Variants in AK1 observed in about 807,000 individuals in gnomAD.
The protein encoded by AK1 is adenylate kinase isoenzyme 1.
In AK1, 13 loss-of-function variants were observed where a neutral mutation model predicts 23.9. The ratio of observed to expected loss-of-function variants is 0.54; its 90% CI spans 0.35 to 0.86. The LOEUF is 0.86. Ranked by LOEUF, AK1 falls within the 40% of genes least tolerant of loss-of-function variation. The probability of loss-of-function intolerance (pLI) is 0.01; values close to 1 mark genes in which losing one functional copy is unlikely to be tolerated. For missense variants in AK1, 214 were observed against 255.1 expected (o/e 0.84, Z 1.10); for synonymous variants, 97 against 102.8 (o/e 0.94, Z 0.34).
rs761804052 is a variant in AK1 at position 127,871,988 on chromosome 9, C to T, written c.208-49G>A. On this transcript the variant is annotated intron_variant, in intron 4 of 6. Transcript: ENST00000644144. This position sits in a 1 kb window ranked among gnomAD's most constrained non-coding sequence, Gnocchi z 4.4. ...GGGCCATGAGCCTCTCCTCCCCATC[C>T]CTTCTCCCAGCCTCTGCTCACGCTG... The T allele has an allele frequency of 2.0e-6, 3 of 1,506,398 alleles. No homozygotes were observed. The highest frequency in any genetic ancestry group is 2.3e-5 in the East Asian group (1 of 44,378). The allele number at this position is 1,506,398 out of a possible 1,614,324, so 93.3% of individuals were successfully genotyped here.
rs767699660 is a variant in AK1 at position 127,871,585 on chromosome 9, C to T, written c.324+238G>A. On this transcript the variant is annotated intron_variant, in intron 5 of 6. Transcript: ENST00000644144. This position sits in a 1 kb window ranked among gnomAD's most constrained non-coding sequence, Gnocchi z 4.4. ...GAATGACTGGCCCAAGATCTCAAGC[C>T]GTTGAGCTGGAATCTGAGCCCAGGT... Among the ~76,000 whole-genome samples the T allele has an allele frequency of 5.9e-5, 9 of 151,620 alleles. No individual in the cohort carries two copies. Among genetic ancestry groups the T allele is most frequent in the Admixed American group, 3.9e-4 (6 of 15,262 alleles).
chr9:127,868,269 C>T lies in AK1; in HGVS notation c.516+52G>A. On this transcript the variant is annotated intron_variant, in intron 6 of 6. Coordinates refer to ENST00000644144, the MANE Select transcript of AK1 (RefSeq NM_000476.3). The surrounding 1 kb of genome is among the most constrained non-coding windows in gnomAD (Gnocchi z 4.1). ...GGCCACACAGTGAGCTGAGGCGGAG[C>T]CACATAGGAACCCGTTCTTCCCGGA... The T allele has an allele frequency of 5.2e-6, 8 of 1,534,018 alleles. No individual in the cohort carries two copies. Among genetic ancestry groups the T allele is most frequent in the Non-Finnish European group, 7.1e-6 (8 of 1,132,624 alleles).
At chr9:127,879,474 T>C (rs1829601690), upstream of AK1, 1 of 150,580 alleles carries the variant, frequency 6.6e-6, no homozygotes, top group Non-Finnish European at 1.5e-5. Context: ...AAAATAAAAA[T>C]TAGCTGGACA....
chr9:127,873,758 C>G, intron 2 of AK1: 1 of 985,444 alleles, frequency 1.0e-6, no homozygotes, highest in Non-Finnish European at 1.2e-6. Context: ...GAACCAAAAC[C>G]AGAACCCAAG....
At chr9:127,878,663 G>A (rs1032904748), upstream of AK1, among the ~76,000 whole-genome samples, 7 of 152,206 alleles carry the variant, frequency 4.6e-5, no homozygotes, top group Admixed American at 1.3e-4. Flanking sequence ...GAGCAAGAGA[G>A]TGAGACTACC....
rs886975727 is a variant in AK1 at position 127,866,650 on chromosome 9, G to C, written c.*1358C>G. ...CTTAAAGGGAGCCCAGCTTGGGCCA[G>C]ATCAGGTGTTAAGGACACGTGAGCA... On this transcript the variant is annotated 3_prime_UTR_variant, in exon 7 of 7. Coordinates refer to ENST00000644144, the MANE Select transcript of AK1 (RefSeq NM_000476.3). The C allele has an allele frequency of 6.6e-6, 1 of 152,256 alleles. No individual in the cohort carries two copies. Among genetic ancestry groups the C allele is most frequent in the Non-Finnish European group, 1.5e-5 (1 of 68,062 alleles). The allele number at this position is 152,256 out of a possible 1,614,324, so 9.4% of individuals were successfully genotyped here.
chr9:127,878,912 A>G (rs1475172954), upstream of AK1, among the ~76,000 whole-genome samples: 1 of 152,160 alleles, frequency 6.6e-6, no homozygotes, highest in East Asian at 1.9e-4. Flanking sequence ...TTGACAAAGT[A>G]AATCAAAATT....
intron 1 of AK1, among the ~76,000 whole-genome samples, chr9:127,875,728 TCCAGGCCCCTATGG>T (rs1434311865): frequency 1.4e-5 from 2 of 146,692 alleles, no homozygotes; most frequent in Non-Finnish European, 3.0e-5. Flanking sequence ...AAGTCCCAGC[TCCAGGCCCCTATGG>T]CCAAGCCACA....
At chr9:127,873,161 G>T (rs751190212) in intron 2 of AK1, 100 bp from the exon 3 acceptor site, 2 of 1,555,032 alleles carry the variant, frequency 1.3e-6, no homozygotes, top group Non-Finnish European at 1.7e-6. Flanking sequence ...CAGGCGGAGG[G>T]ACAGACACCG....
intron 2 of AK1, 130 bp downstream of exon 2, chr9:127,874,481 A>G (rs1010639751): frequency 1.8e-4 from 282 of 1,599,430 alleles, no homozygotes; most frequent in Non-Finnish European, 2.3e-4. Flanking sequence ...GGAGGCTCCC[A>G]GCCAGGCCCC....
At chr9:127,879,063 TAA>T (rs1313458519), upstream of AK1, among the ~76,000 whole-genome samples, 3 of 87,454 alleles carry the variant, frequency 3.4e-5, no homozygotes, top group African/African-American at 4.7e-5. Context: ...TCTCTAAAAA[TAA>T]AACACACACA....
At chr9:127,876,296 G>A (rs1015508420) in intron 1 of AK1, among the ~76,000 whole-genome samples, 4 of 152,244 alleles carry the variant, frequency 2.6e-5, no homozygotes, top group Non-Finnish European at 5.9e-5. Flanking sequence ...CTGCGGGCCT[G>A]GGATCCCATT....
chr9:127,867,908 T>A lies in AK1; in HGVS notation c.*100A>T. 8.6e-7 allele frequency: 1 copy of A among 1,163,766 alleles called. No individual in the cohort carries two copies. Among genetic ancestry groups the A allele is most frequent in the Non-Finnish European group, 1.3e-6 (1 of 771,806 alleles). The allele number at this position is 1,163,766 out of a possible 1,614,324, so 72.1% of individuals were successfully genotyped here. A position where few individuals can be genotyped will look rare whatever the true frequency, so the allele number is the denominator to read the frequency against. On this transcript the variant is annotated 3_prime_UTR_variant, in exon 7 of 7. Coordinates refer to ENST00000644144, the MANE Select transcript of AK1 (RefSeq NM_000476.3). ...GATAAGCGGCTTCCTCCGTCTGTGC[T>A]CAGCAGGGCAGGGTGGAGGCGCTGC...
intron 4 of AK1, 134 bp downstream of exon 4, chr9:127,872,556 G>A (rs1829437648): frequency 1.7e-6 from 2 of 1,209,108 alleles, no homozygotes; most frequent in South Asian, 1.3e-5. Flanking sequence ...GGGCAATGGG[G>A]AACCACAGAA....
chr9:127,873,894 G>A, intron 2 of AK1: 1 of 985,404 alleles, frequency 1.0e-6, no homozygotes. Context: ...CCCCAGGGAG[G>A]AGGTGGGCTG....
chr9:127,869,499 C>A (rs1455278254), intron 5 of AK1: 1 of 152,372 alleles, frequency 6.6e-6, no homozygotes, highest in Non-Finnish European at 1.5e-5. Flanking sequence ...AGCAGCCTGA[C>A]CTCCGGCGTC....
intron 5 of AK1, among the ~76,000 whole-genome samples, chr9:127,870,316 T>C (rs1829362902): frequency 2.0e-5 from 3 of 151,438 alleles, no homozygotes; most frequent in African/African-American, 4.9e-5. Context: ...GATTCTCGTG[T>C]CTCAGCCTCC....
rs920304871 is a variant in AK1 at position 127,868,694 on chromosome 9, C to T, written c.325-182G>A. On this transcript the variant is annotated intron_variant, in intron 5 of 6. Transcript: ENST00000644144. The surrounding 1 kb of genome is among the most constrained non-coding windows in gnomAD (Gnocchi z 4.1). ...TGCCACTCCCCTGCTCAAACCTACA[C>T]CATGGCTCCCCAGTGCCCTCAGGAG... Among the ~76,000 whole-genome samples the T allele has an allele frequency of 6.6e-6, 1 of 152,188 alleles. No homozygotes were observed. Among genetic ancestry groups the T allele is most frequent in the African/African-American group, 2.4e-5 (1 of 41,436 alleles).
At chr9:127,872,637 C>CCACT in intron 4 of AK1, 53 bp downstream of exon 4, 1 of 1,609,774 alleles carries the variant, frequency 6.2e-7, no homozygotes, top group South Asian at 1.1e-5. Flanking sequence ...GGTGGGACAC[C>CCACT]CACTCAGGGC....
Sources: allele counts gnomAD v4.1 joint callset (sites outside exome capture counted in the v4.1 genomes callset), GRCh38; gene constraint gnomAD v4.1.1; non-coding constraint Gnocchi (gnomAD v3.1); transcripts MANE v1.5; gene names NCBI Gene and HGNC (gene_info 2026-07-23, HGNC 2026-07-21).